CDH13: variants seen among roughly 807,000 people sequenced by gnomAD.
CDH13 encodes cadherin-13.
CDH13 carries 24 observed loss-of-function variants against 63.8 expected under a neutral mutation model. That is an observed-to-expected ratio of 0.38 (90% CI 0.27 to 0.53). The LOEUF (loss-of-function observed/expected upper bound fraction) is 0.53, where lower values mean the gene tolerates loss of function less well. Ranked by LOEUF, CDH13 falls within the 20% of genes least tolerant of loss-of-function variation. CDH13 has a pLI of 0.85. For missense variants in CDH13, 1,049 were observed against 903.1 expected, an observed-to-expected ratio of 1.16 and a Z score of -2.07; for synonymous variants, 503 against 355.3, an observed-to-expected ratio of 1.42 and a Z score of -4.67.
chr16:82,864,926 G>A (rs1472193814), intron 2 of CDH13, among the ~76,000 whole-genome samples: 1 of 152,140 alleles, frequency 6.6e-6, no homozygotes, highest in East Asian at 1.9e-4. Flanking sequence ...TACGGGCATT[G>A]GGTAAATACA....
At chr16:83,272,273 G>A (rs1035218975) in intron 5 of CDH13, among the ~76,000 whole-genome samples, 1 of 152,176 alleles carries the variant, frequency 6.6e-6, no homozygotes, top group African/African-American at 2.4e-5. Flanking sequence ...GATAAGACCT[G>A]TGTAGAATTA....
chr16:82,695,460 C>T (rs183135615), intron 1 of CDH13, among the ~76,000 whole-genome samples: 10 of 152,276 alleles, frequency 6.6e-5, no homozygotes, highest in African/African-American at 2.4e-4. Flanking sequence ...CCATTCATGG[C>T]AGGGTTAGCA....
In CDH13 at chr16:83,398,337, C is replaced by G. The variant is rs1024548826; in HGVS notation, c.781+53331C>G. Among the ~76,000 whole-genome samples, 14 of 152,274 alleles carry G rather than the reference C, an allele frequency of 9.2e-5. 1 individual carries two copies. The South Asian group carries it at 2.9e-3, about 32-fold the overall frequency. ...TTGCCTCTTCCAGCTCCTGGTGGCT[C>G]CAGGGATTCCATGGCCTCAGCTGCA... On this transcript the variant is annotated intron_variant, in intron 6 of 13. Coordinates refer to ENST00000567109, the MANE Select transcript of CDH13 (RefSeq NM_001257.5).
chr16:82,672,259 A>G (rs9928896), intron 1 of CDH13, among the ~76,000 whole-genome samples: 5,553 of 152,300 alleles, frequency 0.036, 339 homozygotes, highest in African/African-American at 0.12. Flanking sequence ...GAGTCAACTG[A>G]TATAATGTAT....
rs141942607 is a variant in CDH13 at position 83,678,884 on chromosome 16, A to C, written c.1538+423A>C. ...AGATACAGGTATTGTGGATTCGCAG[A>C]TTCGTAGAGGTTCGGTACTTGCTCA... On this transcript the variant is annotated intron_variant, in intron 10 of 13. Transcript: ENST00000567109. 2.2e-4 allele frequency among the ~76,000 whole-genome samples: 33 copies of C among 152,326 alleles called. No individual in the cohort carries two copies. In the East Asian group the frequency reaches 6.4e-3, roughly 29 times the overall value.
chr16:83,512,204 C>G (rs1006121676), intron 7 of CDH13, among the ~76,000 whole-genome samples: 2 of 151,304 alleles, frequency 1.3e-5, no homozygotes, highest in Admixed American at 6.6e-5. Flanking sequence ...GCCTGTAGTC[C>G]CAGCTACTCG....
intron 7 of CDH13, among the ~76,000 whole-genome samples, chr16:83,566,075 C>A (rs1470666978): frequency 6.6e-6 from 1 of 152,196 alleles, no homozygotes; most frequent in South Asian, 2.1e-4. Flanking sequence ...CGTCTCTTGA[C>A]TTGGACTATG....
intron 1 of CDH13, among the ~76,000 whole-genome samples, chr16:82,697,946 G>T (rs529366571): frequency 6.6e-6 from 1 of 152,160 alleles, no homozygotes; most frequent in Admixed American, 6.5e-5. Flanking sequence ...AAGACTGGAG[G>T]ATGTAATCTA....
chr16:83,239,635 T>C (rs931367986), intron 5 of CDH13, among the ~76,000 whole-genome samples: 1 of 152,200 alleles, frequency 6.6e-6, no homozygotes, highest in African/African-American at 2.4e-5. Context: ...AGGTGATTTT[T>C]TTCTGGAGCT....
chr16:83,516,713 A>G (rs1370981014), intron 7 of CDH13, among the ~76,000 whole-genome samples: 1 of 152,190 alleles, frequency 6.6e-6, no homozygotes, highest in East Asian at 1.9e-4. Flanking sequence ...TTTAAAATGA[A>G]TATATAGTAA....
chr16:83,345,799 A>T (rs907455850), intron 6 of CDH13, among the ~76,000 whole-genome samples: 1 of 152,226 alleles, frequency 6.6e-6, no homozygotes, highest in Non-Finnish European at 1.5e-5. Context: ...TTGAGTGAAA[A>T]AAAACACCAT....
At chr16:82,924,704 G>A (rs753646809) in intron 2 of CDH13, among the ~76,000 whole-genome samples, 4 of 152,112 alleles carry the variant, frequency 2.6e-5, no homozygotes, top group Non-Finnish European at 5.9e-5. Flanking sequence ...CAGTGCAGTA[G>A]CACCACCTCT....
chr16:83,186,821 A>C (rs999962671), intron 4 of CDH13, among the ~76,000 whole-genome samples: 1 of 152,196 alleles, frequency 6.6e-6, no homozygotes, highest in African/African-American at 2.4e-5. Flanking sequence ...GTGGAGGAAG[A>C]GTTCTGATGG....
chr16:83,414,683 G>C (rs543555033), intron 6 of CDH13, among the ~76,000 whole-genome samples: 28 of 152,284 alleles, frequency 1.8e-4, no homozygotes, highest in African/African-American at 6.0e-4. Flanking sequence ...GTCTTTCTGA[G>C]ACTGGTTTAT....
intron 3 of CDH13, among the ~76,000 whole-genome samples, chr16:83,118,687 T>C (rs146012458): frequency 2.0e-5 from 3 of 152,316 alleles, no homozygotes; most frequent in South Asian, 2.1e-4. Flanking sequence ...CACTTTCACA[T>C]GCAGCTTCTC....
intron 7 of CDH13, among the ~76,000 whole-genome samples, chr16:83,524,673 C>T (rs1395299833): frequency 6.6e-6 from 1 of 151,898 alleles, no homozygotes; most frequent in Non-Finnish European, 1.5e-5. Context: ...AGGATGGTCT[C>T]GATCTCCTGA....
At chr16:82,837,178 C>CA (rs2038802726) in intron 1 of CDH13, among the ~76,000 whole-genome samples, 1 of 152,146 alleles carries the variant, frequency 6.6e-6, no homozygotes, top group South Asian at 2.1e-4. Context: ...GGAGTTAGGC[C>CA]ACGTGGATTT....
At chr16:83,416,717 C>T (rs1277139261) in intron 6 of CDH13, among the ~76,000 whole-genome samples, 2 of 152,120 alleles carry the variant, frequency 1.3e-5, no homozygotes, top group African/African-American at 4.8e-5. Context: ...GAAAAGAGTG[C>T]AGAGCAGAAA....
chr16:83,232,545 C>CAA lies in CDH13; in HGVS notation c.636+15050_636+15051dup, dbSNP rs371820662. The stretch of plus-strand genomic sequence containing the variant: ...TCTCAAAAAACGACAACAACAACAA[C>CAA]AAACAAACAAAAAAAAAAAAAAGTG... On this transcript the variant is annotated intron_variant, in intron 5 of 13. Transcript: ENST00000567109. Among the ~76,000 whole-genome samples, 582 of 107,876 alleles carry CAA rather than the reference C, an allele frequency of 5.4e-3. 13 individuals are homozygous for CAA. The highest frequency in any genetic ancestry group is 0.02 in the African/African-American group (537 of 26,492). 70.8% of individuals were successfully genotyped at this position (107,876 alleles called of 152,430 possible).
Sources: allele counts gnomAD v4.1 joint callset (sites outside exome capture counted in the v4.1 genomes callset), GRCh38; gene constraint gnomAD v4.1.1; transcripts MANE v1.5; gene names NCBI Gene and HGNC (gene_info 2026-07-23, HGNC 2026-07-21).